Variants in BAZ2A observed in about 807,000 individuals in gnomAD.
The protein encoded by BAZ2A is bromodomain adjacent to zinc finger domain protein 2A.
Under a neutral mutation model 199.9 loss-of-function variants are expected in BAZ2A, and 34 were observed. The ratio of observed to expected loss-of-function variants is 0.17; its 90% confidence interval spans 0.13 to 0.23. The LOEUF is 0.23. BAZ2A is among the 10% of genes least tolerant of loss of function. The probability of loss-of-function intolerance (pLI) is 1.00; values close to 1 mark genes in which losing one functional copy is unlikely to be tolerated. For missense variants in BAZ2A, 2,002 were observed against 2,391.1 expected, an observed-to-expected ratio of 0.84 and a Z score of 3.39; for synonymous variants, 857 against 883.9, an observed-to-expected ratio of 0.97 and a Z score of 0.54.
At chr12:56,614,902 C>A in intron 3 of BAZ2A, 112 bp downstream of exon 3, 1 of 1,122,970 alleles carries the variant, frequency 8.9e-7, no homozygotes, top group South Asian at 1.4e-5. Context: ...ACATGCAAAT[C>A]AGCCTCCACT....
chr12:56,636,185 T>G, exon 1 of BAZ2A: 2 of 1,595,492 alleles, frequency 1.3e-6, no homozygotes, highest in Non-Finnish European at 1.7e-6. Flanking sequence ...TACTCACCCA[T>G]GTCAGGCTGG....
At chr12:56,633,739 GTTTGT>G (rs576486157), upstream of BAZ2A, among the ~76,000 whole-genome samples, 3 of 151,602 alleles carry the variant, frequency 2.0e-5, no homozygotes, top group Non-Finnish European at 4.4e-5. Context: ...TTGTTTGTTT[GTTTGT>G]TTTGTTTTGT....
intron 19 of BAZ2A, 138 bp from the exon 20 acceptor site, chr12:56,602,330 A>T (rs1211604504): frequency 1.3e-6 from 1 of 763,482 alleles, no homozygotes; most frequent in East Asian, 2.7e-5. Flanking sequence ...GGAAGAGCTT[A>T]TATGCCAATG....
In BAZ2A at chr12:56,612,109, G is replaced by A; in HGVS notation, c.1273C>T (p.Pro425Ser). 6.2e-7 allele frequency: 1 copy of A among 1,613,894 alleles called. No homozygotes were observed. Among genetic ancestry groups the A allele is most frequent in the South Asian group, 1.1e-5 (1 of 91,070 alleles). ...GGGGAGGTTGTTGGCGAGACTGCTG[G>A]TGAGGTTGCTGGATGTAGCTGAATA... ...STIQLHPATS[P>S]AVSPTTSPAV... The change falls in exon 6 of 29, where the codon CCA becomes TCA. Residue 425 changes from proline to serine, a missense_variant. Transcript: ENST00000549884.
At chr12:56,599,873 G>A (rs1355898667) in intron 25 of BAZ2A, 25 bp from the exon 26 acceptor site, 1 of 1,613,818 alleles carries the variant, frequency 6.2e-7, no homozygotes, top group Non-Finnish European at 8.5e-7. Context: ...TGAGGAGGCA[G>A]AATGAGCTCT....
chr12:56,635,464 C>T lies in BAZ2A; in HGVS notation c.4+718G>A, dbSNP rs1380770976. Among the ~76,000 whole-genome samples the T allele has an allele frequency of 6.6e-6, 1 of 152,126 alleles. No individual in the cohort carries two copies. The highest frequency in any genetic ancestry group is 1.9e-4 in the East Asian group (1 of 5,184). The stretch of plus-strand genomic sequence containing the variant: ...GAACTGGTTCCCCGTGTTTCAGCTC[C>T]TCAGGGCTCCATCCCTACGGCTGTG... On this transcript the variant is annotated intron_variant, in intron 1 of 29. Transcript: ENST00000379441. This position sits in a 1 kb window ranked among gnomAD's most constrained non-coding sequence, Gnocchi z 4.1.
chr12:56,604,894 T>G, intron 14 of BAZ2A, 95 bp from the exon 15 acceptor site: 1 of 1,443,848 alleles, frequency 6.9e-7, no homozygotes, highest in South Asian at 1.3e-5. Context: ...AAGAGAACTA[T>G]GGGGGTTAAG....
At chr12:56,610,601 G>A in intron 7 of BAZ2A, 84 bp from the exon 8 acceptor site, 1 of 1,188,370 alleles carries the variant, frequency 8.4e-7, no homozygotes, top group Non-Finnish European at 1.2e-6. Flanking sequence ...CCTCTGAGCA[G>A]ATGGCCCTCC....
upstream of BAZ2A, chr12:56,630,664 G>A (rs1035513561): frequency 4.5e-6 from 3 of 668,990 alleles, no homozygotes; most frequent in Admixed American, 6.3e-5. Flanking sequence ...GGAATTTCGG[G>A]GGCAGTTATT....
upstream of BAZ2A, among the ~76,000 whole-genome samples, chr12:56,632,938 C>T (rs1472679092): frequency 2.0e-5 from 3 of 152,148 alleles, no homozygotes; most frequent in Admixed American, 2.0e-4. Flanking sequence ...TCCTCAATCC[C>T]ATCAGATGTG....
chr12:56,611,516 TAG>T, intron 7 of BAZ2A, 55 bp downstream of exon 7: 1 of 1,535,026 alleles, frequency 6.5e-7, no homozygotes. Flanking sequence ...CCCTTCTTTC[TAG>T]AGTTGTGCAT....
chr12:56,599,184 A>AG lies in BAZ2A; in HGVS notation c.5346dup (p.Ser1783LeufsTer14). On this transcript the variant is annotated frameshift_variant, in exon 27 of 29. Coordinates refer to ENST00000549884, the MANE Select transcript of BAZ2A (RefSeq NM_001300905.2). LOFTEE classifies it high-confidence loss of function. ...CGCATAGAGAGTCGCCGCCGCTTGG[A>AG]GGGGGAGAGCCCTTCTTCCGAGTAC... 1 of 1,613,226 alleles carries AG rather than the reference A, an allele frequency of 6.2e-7. No individual in the cohort carries two copies. Among genetic ancestry groups the AG allele is most frequent in the East Asian group, 2.2e-5 (1 of 44,856 alleles).
At chr12:56,619,308 G>A (rs1410988139) in intron 1 of BAZ2A, among the ~76,000 whole-genome samples, 2 of 151,300 alleles carry the variant, frequency 1.3e-5, no homozygotes, top group Non-Finnish European at 2.9e-5. Flanking sequence ...TCATGCCATT[G>A]CACTCCAGCC....
intron 1 of BAZ2A, among the ~76,000 whole-genome samples, chr12:56,619,833 GCT>G (rs2137160224): frequency 6.6e-6 from 1 of 152,110 alleles, no homozygotes; most frequent in East Asian, 1.9e-4. Context: ...ACATAGCAAG[GCT>G]CTGTCTCCAC....
chr12:56,610,481 G>A lies in BAZ2A; in HGVS notation c.1707C>T (p.His569=). ...RREVRIKKGS[H]RWQGETWYYG... is the part of the protein sequence containing the mutation. ...AATACCAGGTCTCCCCCTGCCATCG[G>A]TGGCTGCCCTTCTTGATGCGCACCT... Residue 569 remains histidine (H), a synonymous_variant, in exon 8 of 29, where the codon CAC becomes CAT. Coordinates refer to ENST00000549884, the MANE Select transcript of BAZ2A (RefSeq NM_001300905.2). The A allele has an allele frequency of 6.2e-7, 1 of 1,613,588 alleles. No individual in the cohort carries two copies. Among genetic ancestry groups the A allele is most frequent in the Non-Finnish European group, 8.5e-7 (1 of 1,179,772 alleles).
chr12:56,612,997 C>T lies in BAZ2A; in HGVS notation c.1135+18G>A, dbSNP rs760738661. Reference sequence around the variant, plus strand: ...TCTCAGGTAAAGGTCTTTCTTTGTCCTACCTACCGTCACTTACCTTGCAGG... The same window carrying T: ...TCTCAGGTAAAGGTCTTTCTTTGTCTTACCTACCGTCACTTACCTTGCAGG... On this transcript the variant is annotated intron_variant, in intron 5 of 28. Coordinates refer to ENST00000549884, the MANE Select transcript of BAZ2A (RefSeq NM_001300905.2). The T allele has an allele frequency of 6.3e-7, 1 of 1,596,510 alleles. No homozygotes were observed. Among genetic ancestry groups the T allele is most frequent in the Admixed American group, 1.7e-5 (1 of 59,728 alleles).
At chr12:56,620,949 G>A in intron 1 of BAZ2A, 1 of 525,344 alleles carries the variant, frequency 1.9e-6, no homozygotes, top group Non-Finnish European at 2.4e-6. Context: ...CTTCTTAAGT[G>A]CAAGAATTAA....
upstream of BAZ2A, chr12:56,635,078 C>T (rs1951415921): frequency 1.6e-4 from 155 of 975,248 alleles, no homozygotes; most frequent in Non-Finnish European, 1.8e-4. This position sits in a 1 kb window ranked among gnomAD's most constrained non-coding sequence, Gnocchi z 4.1. Context: ...CTTAAAGGGG[C>T]AGGAACTACC....
Position 56,612,951 on chromosome 12 carries a change from G to A in BAZ2A, c.1135+64C>T. 3 of 1,507,944 alleles carry A rather than the reference G, an allele frequency of 2.0e-6. No homozygotes were observed. The East Asian group carries it at 7.1e-5, about 35-fold the overall frequency. The allele number at this position is 1,507,944 out of a possible 1,614,324, so 93.4% of individuals were successfully genotyped here. On this transcript the variant is annotated intron_variant, in intron 5 of 28. Coordinates refer to ENST00000549884, the MANE Select transcript of BAZ2A (RefSeq NM_001300905.2). ...TTCCCACTCTTAAGGCCCTAACTAT[G>A]AAACTTATTCTCTCATCTTTTCTCA...
Sources: gnomAD v4.1 joint callset for allele counts (sites outside exome capture counted in the v4.1 genomes callset) on GRCh38, gnomAD v4.1.1 for gene constraint, Gnocchi (gnomAD v3.1) non-coding constraint, MANE v1.5 for transcripts, NCBI Gene and HGNC (gene_info 2026-07-23, HGNC 2026-07-21) for gene names.